The following CRB1 variants were observed in gnomAD, a reference collection of about 807,000 sequenced individuals.
CRB1 encodes the protein crumbs cell polarity complex component 1.
Under a neutral mutation model 120.0 loss-of-function variants are expected in CRB1, and 83 were observed. That is an observed-to-expected ratio of 0.69 (90% CI 0.58 to 0.83). The LOEUF (loss-of-function observed/expected upper bound fraction) is 0.83. Among genes scored for constraint, CRB1 ranks in the 40% least tolerant of loss-of-function variants. The pLI, the probability that CRB1 is intolerant of heterozygous loss-of-function variation, is 0.00. For synonymous variants in CRB1, 625 were observed against 612.5 expected, an observed-to-expected ratio of 1.02 and a Z score of -0.30; for missense variants, 1,699 against 1,687.6, an observed-to-expected ratio of 1.01 and a Z score of -0.12.
intron 11 of CRB1, among the ~76,000 whole-genome samples, chr1:197,449,154 A>G (rs1188677803): frequency 6.6e-6 from 1 of 152,138 alleles, no homozygotes; most frequent in Non-Finnish European, 1.5e-5. Context: ...CATAGTTATG[A>G]CAGCTGCTTT....
chr1:197,254,961 T>C, the CRB1 span, among the ~76,000 whole-genome samples: 10 of 152,208 alleles, frequency 6.6e-5, no homozygotes, highest in African/African-American at 2.4e-4. Context: ...CCATGTACAG[T>C]GACTTCACTC....
intron 1 of CRB1, among the ~76,000 whole-genome samples, chr1:197,274,830 C>T (rs528365224): frequency 1.3e-5 from 2 of 152,204 alleles, no homozygotes; most frequent in African/African-American, 4.8e-5. Flanking sequence ...TAAACACTCA[C>T]CTACTGAAGG....
chr1:197,344,859 T>C (rs1659677905), intron 3 of CRB1, among the ~76,000 whole-genome samples: 1 of 152,220 alleles, frequency 6.6e-6, no homozygotes, highest in African/African-American at 2.4e-5. Flanking sequence ...CAATAAATCC[T>C]TTTAAAGTGT....
intron 11 of CRB1, among the ~76,000 whole-genome samples, chr1:197,461,674 C>T (rs1199055085): frequency 2.0e-5 from 3 of 152,124 alleles, no homozygotes; most frequent in Non-Finnish European, 2.9e-5. Flanking sequence ...TTGCAATTCA[C>T]AAGCTCCTAT....
At chr1:197,263,561 A>G (rs369396953), upstream of CRB1, among the ~76,000 whole-genome samples, 2 of 152,094 alleles carry the variant, frequency 1.3e-5, no homozygotes, top group East Asian at 1.9e-4. Flanking sequence ...TTTTTGTTGC[A>G]ATTTTGTTGC....
At chr1:197,472,238 A>G (rs1180321227) in intron 11 of CRB1, among the ~76,000 whole-genome samples, 3 of 152,222 alleles carry the variant, frequency 2.0e-5, no homozygotes, top group Admixed American at 6.5e-5. Flanking sequence ...ACATATTTCT[A>G]TGTAACTGAT....
the CRB1 span, among the ~76,000 whole-genome samples, chr1:197,231,758 T>C: frequency 6.6e-6 from 1 of 152,194 alleles, no homozygotes; most frequent in Non-Finnish European, 1.5e-5. Flanking sequence ...CATCACTGTT[T>C]GCAATCAGGA....
intron 1 of CRB1, among the ~76,000 whole-genome samples, chr1:197,274,588 C>G (rs558515753): frequency 5.8e-4 from 89 of 152,264 alleles, no homozygotes; most frequent in Non-Finnish European, 1.1e-3. Flanking sequence ...CCCTGTGCCT[C>G]TTCTCTACAC....
chr1:197,428,125 T>A (rs138634542), intron 7 of CRB1, 124 bp downstream of exon 7: 83 of 838,304 alleles, frequency 9.9e-5, no homozygotes, highest in Non-Finnish European at 1.5e-4. Context: ...CAGTATAGAA[T>A]AATATTTCAT....
chr1:197,341,551 G>C (rs1323247128), intron 2 of CRB1, among the ~76,000 whole-genome samples: 1 of 150,536 alleles, frequency 6.6e-6, no homozygotes, highest in Non-Finnish European at 1.5e-5. Context: ...AAAAAAAAAA[G>C]AAAAGGGTGA....
chr1:197,333,087 C>T (rs558174483), intron 2 of CRB1, among the ~76,000 whole-genome samples: 4 of 152,226 alleles, frequency 2.6e-5, no homozygotes, highest in Admixed American at 2.6e-4. Context: ...TAAAGAACTC[C>T]TCTTACAGAA....
chr1:197,452,371 A>C (rs1367800277), intron 11 of CRB1, among the ~76,000 whole-genome samples: 2 of 152,228 alleles, frequency 1.3e-5, no homozygotes, highest in Non-Finnish European at 1.5e-5. Flanking sequence ...ATGTAGTCTT[A>C]GTCTAATGAT....
At chr1:197,349,701 G>A (rs996201783) in intron 4 of CRB1, among the ~76,000 whole-genome samples, 1 of 152,192 alleles carries the variant, frequency 6.6e-6, no homozygotes, top group Admixed American at 6.5e-5. Context: ...AATATAAAAT[G>A]AAGTTTGGAA....
chr1:197,216,484 A>T, the CRB1 span, among the ~76,000 whole-genome samples: 2 of 152,224 alleles, frequency 1.3e-5, no homozygotes, highest in African/African-American at 4.8e-5. Context: ...GTATACTACA[A>T]TACTGTATCT....
At chr1:197,450,432 T>A (rs921924296) in intron 11 of CRB1, among the ~76,000 whole-genome samples, 4 of 152,112 alleles carry the variant, frequency 2.6e-5, no homozygotes, top group Non-Finnish European at 4.4e-5. Flanking sequence ...TACATAGGTA[T>A]ATTGTGTGAT....
chr1:197,328,471 A>G lies in CRB1; in HGVS notation c.120A>G (p.Gln40=). Residue 40 remains glutamine (Q), a synonymous_variant, in exon 2 of 12, where the codon CAA becomes CAG. Coordinates refer to ENST00000367400, the MANE Select transcript of CRB1 (RefSeq NM_201253.3). ...CCAGGTGCCTCTCAAATTCTTGCCA[A>G]AACAATTCTACATGCAAAGATTTTT... is the stretch of plus-strand genomic sequence containing the variant. ...NNTRCLSNSC[Q]NNSTCKDFSK... 1 of 1,614,232 alleles carries G rather than the reference A, an allele frequency of 6.2e-7. No homozygotes were observed. Among genetic ancestry groups the G allele is most frequent in the African/African-American group, 1.3e-5 (1 of 75,064 alleles).
chr1:197,211,893 A>G, the CRB1 span, among the ~76,000 whole-genome samples: 13 of 152,246 alleles, frequency 8.5e-5, no homozygotes, highest in South Asian at 2.7e-3. Flanking sequence ...ATATCTGGCA[A>G]AGAACTTACA....
At chr1:197,243,924 G>T in the CRB1 span, among the ~76,000 whole-genome samples, 2 of 152,194 alleles carry the variant, frequency 1.3e-5, no homozygotes, top group East Asian at 3.9e-4. Flanking sequence ...TCACTATTAT[G>T]TAATGGCCTT....
chr1:197,401,696 T>G (rs1329621036), intron 5 of CRB1, among the ~76,000 whole-genome samples: 1 of 152,102 alleles, frequency 6.6e-6, no homozygotes, highest in African/African-American at 2.4e-5. Context: ...TTTATGCTAT[T>G]TAACTAATAT....
Sources: gnomAD v4.1 joint callset for allele counts (sites outside exome capture counted in the v4.1 genomes callset) on GRCh38, gnomAD v4.1.1 for gene constraint, MANE v1.5 for transcripts, NCBI Gene and HGNC (gene_info 2026-07-23, HGNC 2026-07-21) for gene names.